Variants in AOPEP observed in about 807,000 individuals in gnomAD.
The protein encoded by AOPEP is aminopeptidase O (putative).
In AOPEP, 77 loss-of-function variants were observed where a neutral mutation model predicts 98.1. The ratio of observed to expected loss-of-function variants is 0.78; its 90% CI spans 0.65 to 0.95. The LOEUF (loss-of-function observed/expected upper bound fraction) is 0.95. Among genes scored for constraint, AOPEP ranks in the 40% least tolerant of loss-of-function variants. AOPEP has a pLI of 0.00. For synonymous variants in AOPEP, 346 were observed against 365.3 expected (o/e 0.95, Z 0.60); for missense variants, 1,024 against 1,024.7 (o/e 1.00, Z 0.01).
At chr9:95,047,230 G>A (rs1450951126) in intron 13 of AOPEP, among the ~76,000 whole-genome samples, 2 of 152,188 alleles carry the variant, frequency 1.3e-5, no homozygotes, top group African/African-American at 4.8e-5. Context: ...CAGTTTGAAA[G>A]TGGAAGACTC....
At chr9:94,743,220 GGAA>G (rs10597318) in intron 1 of AOPEP, among the ~76,000 whole-genome samples, 9,467 of 68,712 alleles carry the variant, frequency 0.14, 988 homozygotes, top group African/African-American at 0.36. Context: ...AGGAAGAAGA[GGAA>G]GAAGAAGAGG....
intron 5 of AOPEP, among the ~76,000 whole-genome samples, chr9:94,838,061 T>C (rs1351198143): frequency 6.6e-6 from 1 of 152,030 alleles, no homozygotes; most frequent in Non-Finnish European, 1.5e-5. Flanking sequence ...CAGGCTGGAG[T>C]GCAGTGGTGC....
the AOPEP span, among the ~76,000 whole-genome samples, chr9:95,102,372 G>T: frequency 6.6e-6 from 1 of 152,184 alleles, no homozygotes; most frequent in Non-Finnish European, 1.5e-5. Flanking sequence ...TGATTCTTGC[G>T]GGAGAGCAGG....
intron 5 of AOPEP, among the ~76,000 whole-genome samples, chr9:94,819,771 C>G (rs2134157471): frequency 6.6e-6 from 1 of 151,492 alleles, no homozygotes; most frequent in Non-Finnish European, 1.5e-5. Flanking sequence ...CGGGGTCTGA[C>G]TACGTTGCCT....
chr9:95,132,418 C>T, the AOPEP span, among the ~76,000 whole-genome samples: 158 of 152,326 alleles, frequency 1.0e-3, 1 homozygote, highest in Admixed American at 8.5e-4. Flanking sequence ...TCACTGCTGT[C>T]GGTGACATCG....
At chr9:94,745,041 A>G (rs1834143723) in intron 1 of AOPEP, among the ~76,000 whole-genome samples, 1 of 152,146 alleles carries the variant, frequency 6.6e-6, no homozygotes, top group Non-Finnish European at 1.5e-5. Flanking sequence ...TGGGGTATCC[A>G]TCACCTCAAG....
the AOPEP span, chr9:95,125,086 C>G: frequency 6.2e-7 from 1 of 1,613,680 alleles, no homozygotes; most frequent in Non-Finnish European, 8.5e-7. Context: ...TATAACAAAC[C>G]TGCTTGCTTG....
chr9:95,048,515 T>A (rs1174899301), intron 13 of AOPEP, among the ~76,000 whole-genome samples: 4 of 151,998 alleles, frequency 2.6e-5, no homozygotes, highest in Admixed American at 1.3e-4. Flanking sequence ...GCGCGGGACC[T>A]GGCCGGGAGA....
At chr9:94,978,937 G>A (rs1266143105) in intron 10 of AOPEP, among the ~76,000 whole-genome samples, 2 of 152,086 alleles carry the variant, frequency 1.3e-5, no homozygotes, top group African/African-American at 4.8e-5. Context: ...ATTTTTGCTT[G>A]TTGTAGTCCA....
At chr9:94,914,523 C>T (rs550558721) in intron 5 of AOPEP, among the ~76,000 whole-genome samples, 4 of 143,704 alleles carry the variant, frequency 2.8e-5, no homozygotes, top group South Asian at 4.7e-4. Context: ...TGGCATTAGA[C>T]GTGTGTGTGT....
chr9:94,964,666 GTC>G (rs1206423021), intron 9 of AOPEP, among the ~76,000 whole-genome samples: 6 of 139,194 alleles, frequency 4.3e-5, no homozygotes, highest in Middle Eastern at 7.8e-3. Flanking sequence ...TTGAGACGGA[GTC>G]TCTCACTGTC....
intron 1 of AOPEP, among the ~76,000 whole-genome samples, chr9:94,751,296 T>C (rs1486235460): frequency 6.6e-6 from 1 of 152,192 alleles, no homozygotes; most frequent in Non-Finnish European, 1.5e-5. Context: ...AGGATTAGTC[T>C]GCCAGAAGGT....
the AOPEP span, among the ~76,000 whole-genome samples, chr9:95,119,975 C>T: frequency 1.4e-5 from 2 of 141,044 alleles, no homozygotes; most frequent in African/African-American, 2.7e-5. Flanking sequence ...GGGCTCCCAA[C>T]GAGCTGGGAT....
chr9:95,083,276 CG>C (rs1362379715), intron 16 of AOPEP, among the ~76,000 whole-genome samples: 2 of 151,336 alleles, frequency 1.3e-5, no homozygotes, highest in Non-Finnish European at 2.9e-5. Context: ...ATGCACCACA[CG>C]TAGCACACAC....
chr9:94,855,377 C>T (rs759532983), intron 5 of AOPEP, among the ~76,000 whole-genome samples: 2 of 152,108 alleles, frequency 1.3e-5, no homozygotes, highest in African/African-American at 2.4e-5. Flanking sequence ...CAGGCCTGGC[C>T]GTGTTTTAGT....
At chr9:94,786,404 A>T (rs1844431324) in intron 3 of AOPEP, among the ~76,000 whole-genome samples, 1 of 152,230 alleles carries the variant, frequency 6.6e-6, no homozygotes, top group Non-Finnish European at 1.5e-5. Context: ...CATATCCAAA[A>T]GCAATAAACT....
At chr9:94,756,815 C>G (rs951489642) in intron 1 of AOPEP, among the ~76,000 whole-genome samples, 1 of 152,122 alleles carries the variant, frequency 6.6e-6, no homozygotes, top group African/African-American at 2.4e-5. Context: ...CTCTCTTCCT[C>G]CAGGCCTTAA....
chr9:95,142,707 G>A, the AOPEP span, among the ~76,000 whole-genome samples: 1 of 152,126 alleles, frequency 6.6e-6, no homozygotes, highest in Admixed American at 6.5e-5. Flanking sequence ...TCTCAGAAGT[G>A]GCATGGTCTA....
intron 11 of AOPEP, among the ~76,000 whole-genome samples, chr9:94,995,208 C>A (rs2061146972): frequency 6.6e-6 from 1 of 152,060 alleles, no homozygotes; most frequent in African/African-American, 2.4e-5. Flanking sequence ...TCAGGCCAGG[C>A]TTTTTATTAT....
Sources: allele counts gnomAD v4.1 joint callset (sites outside exome capture counted in the v4.1 genomes callset), GRCh38; gene constraint gnomAD v4.1.1; transcripts MANE v1.5; gene names NCBI Gene and HGNC (gene_info 2026-07-23, HGNC 2026-07-21).